The following DCDC1 variants were observed in gnomAD, a reference collection of about 807,000 sequenced individuals.
DCDC1 encodes doublecortin domain-containing protein 1.
In DCDC1, 200 loss-of-function variants were observed where a neutral mutation model predicts 178.3. The observed-to-expected ratio is 1.12, with a 90% confidence interval of 1.00 to 1.26. The LOEUF (loss-of-function observed/expected upper bound fraction) is 1.26. Ranked by LOEUF, DCDC1 falls within the 50% of genes most tolerant of loss-of-function variation. The probability of loss-of-function intolerance (pLI) is 0.00; values close to 1 mark genes in which losing one functional copy is unlikely to be tolerated. For synonymous variants in DCDC1, 690 were observed against 604.8 expected (o/e 1.14, Z -2.07); for missense variants, 1,983 against 1,749.2 (o/e 1.13, Z -2.38).
intron 17 of DCDC1, among the ~76,000 whole-genome samples, chr11:31,081,433 C>A (rs1412486953): frequency 3.3e-5 from 5 of 152,108 alleles, no homozygotes; most frequent in East Asian, 3.9e-4. Flanking sequence ...CATGGTGAAA[C>A]CTCGTCTCTA....
In DCDC1 at chr11:30,899,614, T is replaced by C; in HGVS notation, c.4692A>G (p.Lys1564=). 6.4e-7 allele frequency: 1 copy of C among 1,568,090 alleles called. No homozygotes were observed. Among genetic ancestry groups the C allele is most frequent in the Non-Finnish European group, 8.6e-7 (1 of 1,156,316 alleles). The change falls in exon 34 of 39, where the codon AAA becomes AAG. Residue 1564 remains lysine, a synonymous_variant. Coordinates refer to ENST00000684477, the MANE Select transcript of DCDC1 (RefSeq NM_001387274.1). ...NALQKAEKLE[K]QNWLKKDRIL... ...TTCTGTCCTTTTTTAGCCAGTTCTG[T>C]TTCTCTAATTTTTCTGCTTTCTGCA...
chr11:31,086,160 G>C (rs289084), intron 17 of DCDC1, among the ~76,000 whole-genome samples: 13,559 of 152,124 alleles, frequency 0.089, 810 homozygotes, highest in East Asian at 0.29. Flanking sequence ...AATATTTTAG[G>C]AAAGTATCAA....
At chr11:31,014,268 T>C (rs1374882421) in intron 20 of DCDC1, among the ~76,000 whole-genome samples, 5 of 151,898 alleles carry the variant, frequency 3.3e-5, no homozygotes, top group African/African-American at 9.7e-5. Context: ...TTTCTTTCTC[T>C]CTTTTTCATC....
At chr11:31,091,581 C>T in intron 16 of DCDC1, 70 bp from the exon 17 acceptor site, 1 of 691,640 alleles carries the variant, frequency 1.4e-6, no homozygotes, top group Non-Finnish European at 2.6e-6. Context: ...AACAATGTGT[C>T]ACAAATAGTG....
chr11:30,903,061 T>G (rs563007024), intron 32 of DCDC1, among the ~76,000 whole-genome samples: 1 of 152,086 alleles, frequency 6.6e-6, no homozygotes, highest in Non-Finnish European at 1.5e-5. Flanking sequence ...GGACACCTTC[T>G]CTTCTAATAG....
intron 15 of DCDC1, among the ~76,000 whole-genome samples, chr11:31,101,668 G>A (rs1247239422): frequency 2.0e-5 from 3 of 152,084 alleles, no homozygotes; most frequent in African/African-American, 7.2e-5. Flanking sequence ...TAAATATATT[G>A]TTTTCCGTTT....
At chr11:30,913,101 T>G (rs1380057237) in intron 27 of DCDC1, among the ~76,000 whole-genome samples, 1 of 152,190 alleles carries the variant, frequency 6.6e-6, no homozygotes, top group Non-Finnish European at 1.5e-5. Flanking sequence ...TTCTGAATCA[T>G]GCCCACACCT....
At chr11:30,971,793 TAG>T (rs1220915099) in intron 20 of DCDC1, among the ~76,000 whole-genome samples, 8 of 151,922 alleles carry the variant, frequency 5.3e-5, no homozygotes, top group Admixed American at 4.6e-4. Flanking sequence ...GTATTTTTAG[TAG>T]AGACGGGGTT....
chr11:30,880,026 T>C (rs1942506330), intron 37 of DCDC1, among the ~76,000 whole-genome samples: 2 of 152,204 alleles, frequency 1.3e-5, no homozygotes, highest in Non-Finnish European at 2.9e-5. Flanking sequence ...CGTGTGTTCA[T>C]ATTTTTAATT....
chr11:30,979,609 C>T (rs1050501887), intron 20 of DCDC1, among the ~76,000 whole-genome samples: 3 of 152,134 alleles, frequency 2.0e-5, no homozygotes, highest in African/African-American at 7.2e-5. Context: ...ATTTTTCACA[C>T]TTATCATTTC....
chr11:30,909,850 A>G (rs1945323488), intron 28 of DCDC1, among the ~76,000 whole-genome samples: 1 of 152,218 alleles, frequency 6.6e-6, no homozygotes. Context: ...TGGCTCAAGT[A>G]CAAGTAAAGA....
At chr11:31,136,475 C>T in intron 10 of DCDC1, among the ~76,000 whole-genome samples, 1 of 152,118 alleles carries the variant, frequency 6.6e-6, no homozygotes, top group Admixed American at 6.5e-5. Flanking sequence ...AGAATTTACA[C>T]AGGAAAATTT....
intron 2 of DCDC1, among the ~76,000 whole-genome samples, chr11:31,334,674 C>G (rs1048073662): frequency 1.3e-5 from 2 of 152,178 alleles, no homozygotes; most frequent in Non-Finnish European, 2.9e-5. Context: ...TGCTGGAAGT[C>G]CACTCCAGAC....
intron 9 of DCDC1, among the ~76,000 whole-genome samples, chr11:31,173,381 T>C (rs1032517135): frequency 2.0e-5 from 3 of 152,200 alleles, no homozygotes; most frequent in African/African-American, 2.4e-5. Flanking sequence ...GATGAAAATA[T>C]AAAAATGAAA....
At chr11:31,351,464 G>C (rs1007426436) in intron 1 of DCDC1, among the ~76,000 whole-genome samples, 1 of 151,992 alleles carries the variant, frequency 6.6e-6, no homozygotes, top group Non-Finnish European at 1.5e-5. Context: ...TTGAACTCTT[G>C]CTTTAGCTCC....
At chr11:30,946,711 G>T (rs1948077507) in intron 21 of DCDC1, among the ~76,000 whole-genome samples, 1 of 152,162 alleles carries the variant, frequency 6.6e-6, no homozygotes, top group Admixed American at 6.6e-5. Context: ...TAGACAAGTT[G>T]ATTGACTCTC....
At chr11:31,164,803 G>A (rs1236103181) in intron 9 of DCDC1, among the ~76,000 whole-genome samples, 1 of 152,020 alleles carries the variant, frequency 6.6e-6, no homozygotes, top group Non-Finnish European at 1.5e-5. Flanking sequence ...TGTTTATAAA[G>A]TCCACAGTAG....
intron 22 of DCDC1, among the ~76,000 whole-genome samples, chr11:30,926,208 T>G (rs1372441597): frequency 6.6e-6 from 1 of 152,164 alleles, no homozygotes; most frequent in Non-Finnish European, 1.5e-5. Flanking sequence ...GCATTTGGGT[T>G]GGGTTTTAAA....
At position 31,064,607 on chromosome 11, in the gene DCDC1, C is replaced by T; in HGVS notation, c.2453G>A (p.Ser818Asn). 1.3e-6 allele frequency: 1 copy of T among 765,678 alleles called. No homozygotes were observed. Among genetic ancestry groups the T allele is most frequent in the Non-Finnish European group, 2.4e-6 (1 of 417,476 alleles). 47.4% of individuals were successfully genotyped at this position (765,678 alleles called of 1,614,324 possible). Residue 818 changes from serine (S) to asparagine (N), a missense_variant, in exon 20 of 39, where the codon AGC (serine) becomes AAC (asparagine). Ser to Asn is a conservative substitution (Grantham distance 46). Transcript: ENST00000684477. The part of the protein sequence containing the change: ...LAEEVLQESA[S>N]NLGLKQLPEP... ...TGGCAGTTGCTTCAGACCAAGGTTG[C>T]TGGCACTTTCTTGCAGAACCTAATA...
Sources: gnomAD v4.1 joint callset for allele counts (sites outside exome capture counted in the v4.1 genomes callset) on GRCh38, gnomAD v4.1.1 for gene constraint, MANE v1.5 for transcripts, NCBI Gene and HGNC (gene_info 2026-07-23, HGNC 2026-07-21) for gene names.